GTF2E1: variants seen among roughly 807,000 people sequenced by gnomAD.
The protein encoded by GTF2E1 is TFIIE alpha subunit.
In GTF2E1, 14 loss-of-function variants were observed where a neutral mutation model predicts 34.9. The observed-to-expected ratio is 0.40, with a 90% confidence interval of 0.27 to 0.63. The LOEUF is 0.63. Ranked by LOEUF, GTF2E1 falls within the 20% of genes least tolerant of loss-of-function variation. The pLI is 0.39. For synonymous variants in GTF2E1, 188 were observed against 192.9 expected, an observed-to-expected ratio of 0.97 and a Z score of 0.21; for missense variants, 469 against 557.7, an observed-to-expected ratio of 0.84 and a Z score of 1.60.
rs997340524 is a variant in GTF2E1 at position 120,750,307 on chromosome 3, T to C, written c.-30-216T>C. Among the ~76,000 whole-genome samples the C allele has an allele frequency of 2.6e-5, 4 of 152,158 alleles. No individual in the cohort carries two copies. In the South Asian group the frequency reaches 6.2e-4, roughly 24 times the overall value. On this transcript the variant is annotated intron_variant, in intron 1 of 4. Transcript: ENST00000283875. Reference sequence around the variant, plus strand: ...AAAGTTACTTTTTAATCAAACACACTATAGATCATAAAAGTAGCCATTTAA... The same window carrying C: ...AAAGTTACTTTTTAATCAAACACACCATAGATCATAAAAGTAGCCATTTAA...
At chr3:120,753,715 A>T (rs1166302167) in intron 2 of GTF2E1, among the ~76,000 whole-genome samples, 1 of 152,194 alleles carries the variant, frequency 6.6e-6, no homozygotes, top group Non-Finnish European at 1.5e-5. Context: ...ACCATTGTTA[A>T]TTCACACATA....
In GTF2E1 at chr3:120,742,796, T is replaced by G; in HGVS notation, c.-31+2T>G. On this transcript the variant is annotated splice_donor_variant, in intron 1 of 4. Coordinates refer to ENST00000283875, the MANE Select transcript of GTF2E1 (RefSeq NM_005513.3). LOFTEE classifies it low-confidence loss of function (5UTR_SPLICE). ...GGGAGTGTTCCAGGATTCGCCTTGG[T>G]AAACCTTGTTCCCTGTTCCTTGTTC... The G allele has an allele frequency of 2.1e-6, 1 of 485,108 alleles. No individual in the cohort carries two copies. The highest frequency in any genetic ancestry group is 3.8e-6 in the Non-Finnish European group (1 of 265,708). 30.1% of individuals were successfully genotyped at this position (485,108 alleles called of 1,614,324 possible). A position where few individuals can be genotyped will look rare whatever the true frequency, so the allele number is the denominator to read the frequency against.
rs188355144 is a variant in GTF2E1 at position 120,744,246 on chromosome 3, G to T, written c.-31+1452G>T. On this transcript the variant is annotated intron_variant, in intron 1 of 4. Transcript: ENST00000283875. ...ACATTCTTTGGGTGATACAATGCGT[G>T]GGGGGCTGCCAGTTTGAGAACTCTT... 3.6e-4 allele frequency among the ~76,000 whole-genome samples: 55 copies of T among 152,242 alleles called. No homozygotes were observed. In the East Asian group the frequency reaches 8.9e-3, roughly 25 times the overall value.
intron 2 of GTF2E1, among the ~76,000 whole-genome samples, chr3:120,757,347 A>G (rs1024739871): frequency 6.6e-6 from 1 of 152,182 alleles, no homozygotes; most frequent in African/African-American, 2.4e-5. Context: ...TGAATTTTGG[A>G]GGGTGAGGTT....
chr3:120,770,762 A>C lies in GTF2E1; in HGVS notation c.483A>C (p.Val161=). ...TFRCTFCHTE[V]EEDESAMPKK... ...GCTGTACTTTTTGCCATACAGAGGT[A>C]GAAGAGGATGAATCAGCAATGCCCA... Residue 161 remains valine, a synonymous_variant, in exon 3 of 5, where the codon GTA becomes GTC. Transcript: ENST00000283875. 1 of 1,613,596 alleles carries C rather than the reference A, an allele frequency of 6.2e-7. No homozygotes were observed. The highest frequency in any genetic ancestry group is 8.5e-7 in the Non-Finnish European group (1 of 1,179,558).
chr3:120,764,313 G>A (rs1709289043), intron 2 of GTF2E1, among the ~76,000 whole-genome samples: 1 of 152,148 alleles, frequency 6.6e-6, no homozygotes, highest in South Asian at 2.1e-4. Context: ...GACTTGGGAA[G>A]GCTGAATGTC....
intron 2 of GTF2E1, among the ~76,000 whole-genome samples, chr3:120,760,594 A>G (rs1156407916): frequency 6.6e-6 from 1 of 152,150 alleles, no homozygotes; most frequent in African/African-American, 2.4e-5. Flanking sequence ...TTTGAGATAC[A>G]GTCCATCAAT....
rs1227370521 is a variant in GTF2E1, at chr3:120,763,549, CCTT to C, written c.449-7178_449-7176del. Among the ~76,000 whole-genome samples the C allele has an allele frequency of 4.6e-5, 7 of 152,154 alleles. No homozygotes were observed. In the East Asian group the frequency reaches 1.3e-3, roughly 29 times the overall value. On this transcript the variant is annotated intron_variant, in intron 2 of 4. Transcript: ENST00000283875. ...ATGTCTTGAAATTTTATAGTTTCCT[CCTT>C]ATCTCACTGAAATCCTAGGAGTTCT... is the stretch of plus-strand genomic sequence containing the variant.
intron 4 of GTF2E1, among the ~76,000 whole-genome samples, chr3:120,778,058 A>T (rs1490722121): frequency 6.6e-6 from 1 of 152,206 alleles, no homozygotes; most frequent in African/African-American, 2.4e-5. Context: ...GTTTTAGATT[A>T]TACAGTAGTT....
chr3:120,760,065 C>G (rs1480641054), intron 2 of GTF2E1, among the ~76,000 whole-genome samples: 2 of 152,150 alleles, frequency 1.3e-5, no homozygotes, highest in African/African-American at 4.8e-5. Context: ...TTCTTCCTAT[C>G]CTTGAGCATG....
intron 2 of GTF2E1, among the ~76,000 whole-genome samples, chr3:120,753,739 C>T (rs2107606332): frequency 6.6e-6 from 1 of 152,276 alleles, no homozygotes; most frequent in African/African-American, 2.4e-5. Flanking sequence ...CACCGGTCTT[C>T]CTACTTCAGT....
intron 2 of GTF2E1, among the ~76,000 whole-genome samples, chr3:120,763,979 G>A (rs1467664965): frequency 6.6e-6 from 1 of 152,086 alleles, no homozygotes; most frequent in East Asian, 1.9e-4. Context: ...TTATTCCCAT[G>A]TTCACAGCAG....
chr3:120,746,547 G>A (rs1369704118), intron 1 of GTF2E1, among the ~76,000 whole-genome samples: 1 of 151,896 alleles, frequency 6.6e-6, no homozygotes, highest in Non-Finnish European at 1.5e-5. Context: ...TGTAATCCCA[G>A]CACTTTAGGA....
intron 1 of GTF2E1, 128 bp from the exon 2 acceptor site, chr3:120,750,395 T>C (rs967785227): frequency 1.6e-6 from 1 of 609,474 alleles, no homozygotes; most frequent in African/African-American, 1.8e-5. Context: ...CTTGTTCTGC[T>C]CTGTTAAATG....
At chr3:120,753,772 C>T (rs570813301) in intron 2 of GTF2E1, among the ~76,000 whole-genome samples, 1 of 152,294 alleles carries the variant, frequency 6.6e-6, no homozygotes, top group Admixed American at 6.5e-5. Context: ...CCTACTCCAT[C>T]TCTACTTTTC....
At chr3:120,777,628 T>A (rs1709412684) in intron 4 of GTF2E1, among the ~76,000 whole-genome samples, 1 of 152,200 alleles carries the variant, frequency 6.6e-6, no homozygotes, top group African/African-American at 2.4e-5. Context: ...GTAAAGCAGC[T>A]AATACCTCTA....
At chr3:120,748,569 A>G (rs1709130950) in intron 1 of GTF2E1, among the ~76,000 whole-genome samples, 3 of 152,110 alleles carry the variant, frequency 2.0e-5, no homozygotes, top group South Asian at 4.1e-4. Flanking sequence ...GTAGATATGC[A>G]GCGTTATTTC....
intron 1 of GTF2E1, chr3:120,743,097 A>G (rs186726798): frequency 6.4e-6 from 1 of 156,022 alleles, no homozygotes; most frequent in Non-Finnish European, 1.4e-5. Context: ...CGTGGAGGGC[A>G]GCTGGGTCCG....
chr3:120,763,937 C>A (rs975290680), intron 2 of GTF2E1, among the ~76,000 whole-genome samples: 7 of 152,156 alleles, frequency 4.6e-5, no homozygotes, highest in Non-Finnish European at 7.4e-5. Context: ...TGCTTCCTCC[C>A]CAATTTCCCC....
Sources: allele counts gnomAD v4.1 joint callset (sites outside exome capture counted in the v4.1 genomes callset), GRCh38; gene constraint gnomAD v4.1.1; transcripts MANE v1.5; gene names NCBI Gene and HGNC (gene_info 2026-07-23, HGNC 2026-07-21).